Variants in ABCC5 observed in about 807,000 individuals in gnomAD.
ABCC5 encodes ATP-binding cassette sub-family C member 5.
ABCC5 carries 61 observed loss-of-function variants against 160.9 expected under a neutral mutation model. The observed-to-expected ratio is 0.38, with a 90% CI of 0.31 to 0.47. ABCC5 has a LOEUF of 0.47. Ranked by LOEUF, ABCC5 falls within the 20% of genes least tolerant of loss-of-function variation. The probability of loss-of-function intolerance (pLI) is 0.99; values close to 1 mark genes in which losing one functional copy is unlikely to be tolerated. For synonymous variants in ABCC5, 666 were observed against 700.6 expected, an observed-to-expected ratio of 0.95 and a Z score of 0.78; for missense variants, 1,308 against 1,813.3, an observed-to-expected ratio of 0.72 and a Z score of 5.06.
In ABCC5 at chr3:183,981,945, G is replaced by A. The variant is rs1718783079; in HGVS notation, c.1000-71C>T. The A allele has an allele frequency of 5.3e-6, 8 of 1,509,554 alleles. No individual in the cohort carries two copies. In the Admixed American group the frequency reaches 1.2e-4, roughly 23 times the overall value. 93.5% of individuals were successfully genotyped at this position (1,509,554 alleles called of 1,614,324 possible). ...TTGAGAACTACCTAATCTGCTTAAG[G>A]TCATTCTCAATAAAATGAGCATATA... On this transcript the variant is annotated intron_variant, in intron 7 of 29. Coordinates refer to ENST00000334444, the MANE Select transcript of ABCC5 (RefSeq NM_005688.4).
At chr3:183,933,414 C>T (rs1012668440) in intron 26 of ABCC5, among the ~76,000 whole-genome samples, 4 of 151,958 alleles carry the variant, frequency 2.6e-5, no homozygotes, top group African/African-American at 4.8e-5. Context: ...ACTCCAGCTG[C>T]GGGGGATAGG....
intron 2 of ABCC5, among the ~76,000 whole-genome samples, chr3:183,993,016 T>C (rs1719915961): frequency 6.6e-6 from 1 of 152,224 alleles, no homozygotes; most frequent in South Asian, 2.1e-4. Context: ...GTACAATTTT[T>C]TGTAATGCAG....
chr3:183,945,313 G>T (rs1299533939), intron 24 of ABCC5, among the ~76,000 whole-genome samples: 3 of 152,224 alleles, frequency 2.0e-5, no homozygotes, highest in Admixed American at 1.3e-4. Context: ...CCTGGGGAAA[G>T]GTGGGAAGAG....
chr3:183,934,428 C>T (rs1384462170), intron 26 of ABCC5, among the ~76,000 whole-genome samples: 1 of 152,190 alleles, frequency 6.6e-6, no homozygotes, highest in Admixed American at 6.5e-5. Flanking sequence ...GACTAAAAAG[C>T]CAAAATTAGA....
chr3:183,978,446 A>G, intron 9 of ABCC5, 57 bp downstream of exon 9: 1 of 1,578,748 alleles, frequency 6.3e-7, no homozygotes, highest in South Asian at 1.2e-5. Context: ...TTCCTGCCTC[A>G]GCCTCCAGCA....
chr3:183,962,450 C>G (rs1716847011), intron 15 of ABCC5, among the ~76,000 whole-genome samples: 1 of 151,962 alleles, frequency 6.6e-6, no homozygotes, highest in Admixed American at 6.6e-5. Flanking sequence ...TCCAAAACAT[C>G]AGTGGTGCCA....
chr3:183,970,491 C>A (rs1717640841), intron 11 of ABCC5, among the ~76,000 whole-genome samples: 1 of 151,418 alleles, frequency 6.6e-6, no homozygotes, highest in African/African-American at 2.4e-5. Context: ...GCCACCCAGG[C>A]TGGAGTGCAG....
rs199917214 is a variant in ABCC5 at position 183,978,324 on chromosome 3, TG to T, written c.1296+178del. 5.6e-4 allele frequency among the ~76,000 whole-genome samples: 78 copies of T among 140,322 alleles called. 1 individual carries two copies. The highest frequency in any genetic ancestry group is 3.0e-3 in the South Asian group (13 of 4,402). 92.1% of individuals were successfully genotyped at this position (140,322 alleles called of 152,430 possible). On this transcript the variant is annotated intron_variant, in intron 9 of 29. Coordinates refer to ENST00000334444, the MANE Select transcript of ABCC5 (RefSeq NM_005688.4). The stretch of plus-strand genomic sequence containing the variant: ...ATCTCCATATGTGGTATTTTTTTTT[TG>T]TTTGTTTGTTTGTTTTGTTTTGAGA...
chr3:183,967,040 T>C (rs79862176), intron 12 of ABCC5, among the ~76,000 whole-genome samples: 2,609 of 151,196 alleles, frequency 0.017, 95 homozygotes, highest in African/African-American at 0.06. Flanking sequence ...TGTTTGATTC[T>C]AAAACACAGC....
chr3:183,925,498 C>A (rs1311543525), intron 29 of ABCC5, 57 bp downstream of exon 29: 3 of 1,591,302 alleles, frequency 1.9e-6, no homozygotes, highest in Non-Finnish European at 1.7e-6. Context: ...TCCATCCCTG[C>A]CAGGGGCCAG....
chr3:184,000,042 G>C (rs992004331), intron 2 of ABCC5, among the ~76,000 whole-genome samples: 4 of 152,004 alleles, frequency 2.6e-5, no homozygotes, highest in African/African-American at 9.7e-5. Context: ...TTAGCATTAA[G>C]AGAAGGGAAG....
In ABCC5 at chr3:183,921,064, C is replaced by A. The variant is rs1386339815; in HGVS notation, c.*236G>T. ...CAATTATAATAACGGTTCCCTGAAC[C>A]TTTTAGAGTGCAATTAAGAACAAAA... On this transcript the variant is annotated 3_prime_UTR_variant, in exon 30 of 30. Transcript: ENST00000334444. The surrounding 1 kb of genome is among the most constrained non-coding windows in gnomAD (Gnocchi z 4.1). 5.2e-6 allele frequency: 2 copies of A among 382,146 alleles called. No homozygotes were observed. The highest frequency in any genetic ancestry group is 2.1e-5 in the African/African-American group (1 of 48,090). The allele number at this position is 382,146 out of a possible 1,614,324, so 23.7% of individuals were successfully genotyped here.
intron 5 of ABCC5, chr3:183,985,504 GTT>G (rs1259408358): frequency 4.9e-6 from 4 of 821,770 alleles, no homozygotes; most frequent in Non-Finnish European, 8.7e-6. Flanking sequence ...CTCTCTAAGG[GTT>G]TTACACTGTC....
intron 5 of ABCC5, chr3:183,985,015 G>T: frequency 1.2e-6 from 1 of 855,192 alleles, no homozygotes; most frequent in Non-Finnish European, 1.8e-6. Context: ...GAAGGTAAAA[G>T]ACATAGTGAA....
intron 14 of ABCC5, 95 bp downstream of exon 14, chr3:183,965,090 T>C: frequency 7.7e-7 from 1 of 1,299,232 alleles, no homozygotes; most frequent in Non-Finnish European, 1.1e-6. Context: ...CCTGTGAGGC[T>C]CTTCTCCCAA....
Position 183,971,717 on chromosome 3 carries a change from G to A in ABCC5, c.1607C>T (p.Thr536Ile), listed in dbSNP as rs1305286185. ...CTCTGCCAGCACCGCCTGATGCTCA[G>A]TGCGCTGCAGCTGCCTCACCTTCTC... ...KKEKVRQLQR[T>I]EHQAVLAEQK... Residue 536 changes from threonine (T) to isoleucine (I), a missense_variant, in exon 11 of 30, where the codon ACT becomes ATT. Around this residue, in one of 3 missense-constraint regions of ABCC5, gnomAD observed 1,142 missense variants for 1,527.1 expected, o/e 0.75. Transcript: ENST00000334444. 6.2e-7 allele frequency: 1 copy of A among 1,614,218 alleles called. No homozygotes were observed.
At chr3:183,950,794 T>C (rs1715275045) in intron 20 of ABCC5, among the ~76,000 whole-genome samples, 1 of 152,236 alleles carries the variant, frequency 6.6e-6, no homozygotes, top group South Asian at 2.1e-4. Context: ...CAATGGCCTA[T>C]CAATGCCTGA....
intron 11 of ABCC5, 129 bp downstream of exon 11, chr3:183,971,434 T>C (rs1717731141): frequency 7.8e-6 from 6 of 772,426 alleles, no homozygotes; most frequent in Non-Finnish European, 1.0e-5. Context: ...CTGGTCTAAT[T>C]TGCTCTTTAG....
intron 15 of ABCC5, among the ~76,000 whole-genome samples, chr3:183,962,429 G>A (rs1577540726): frequency 6.6e-6 from 1 of 151,928 alleles, no homozygotes; most frequent in East Asian, 1.9e-4. Flanking sequence ...ACACAACAAT[G>A]GACTATCTGG....
Sources: allele counts gnomAD v4.1 joint callset (sites outside exome capture counted in the v4.1 genomes callset), GRCh38; gene constraint gnomAD v4.1.1; regional missense constraint gnomAD v4.1.1; non-coding constraint Gnocchi (gnomAD v3.1); transcripts MANE v1.5; gene names NCBI Gene and HGNC (gene_info 2026-07-23, HGNC 2026-07-21).